PARD3B: variants seen among roughly 807,000 people sequenced by gnomAD.
The protein encoded by PARD3B is partitioning defective 3 homolog B.
A neutral mutation model predicts 130.2 loss-of-function variants in PARD3B; 103 were observed. The observed-to-expected ratio is 0.79, with a 90% CI of 0.67 to 0.93. The LOEUF (loss-of-function observed/expected upper bound fraction) is 0.93, where lower values mean the gene tolerates loss of function less well. PARD3B is among the 40% of genes least tolerant of loss of function. PARD3B has a pLI of 0.00. For missense variants in PARD3B, 1,609 were observed against 1,499.2 expected, an observed-to-expected ratio of 1.07 and a Z score of -1.21; for synonymous variants, 583 against 553.2, an observed-to-expected ratio of 1.05 and a Z score of -0.76.
intron 2 of PARD3B, among the ~76,000 whole-genome samples, chr2:204,780,349 G>A (rs897769672): frequency 6.6e-6 from 1 of 152,044 alleles, no homozygotes; most frequent in Non-Finnish European, 1.5e-5. Context: ...TAAAATTATA[G>A]AATTTGGTTT....
chr2:204,842,242 T>C (rs888359037), intron 2 of PARD3B, among the ~76,000 whole-genome samples: 1 of 152,080 alleles, frequency 6.6e-6, no homozygotes, highest in African/African-American at 2.4e-5. Flanking sequence ...CTCCAGCATC[T>C]AAAATGAGGT....
chr2:204,750,711 T>A (rs1192513628), intron 2 of PARD3B, among the ~76,000 whole-genome samples: 2 of 152,166 alleles, frequency 1.3e-5, no homozygotes, highest in Admixed American at 6.6e-5. Flanking sequence ...TGGGGCTATA[T>A]TTAGTAATTT....
intron 1 of PARD3B, among the ~76,000 whole-genome samples, chr2:204,549,105 C>G (rs1182902354): frequency 6.6e-6 from 1 of 152,138 alleles, no homozygotes; most frequent in African/African-American, 2.4e-5. Context: ...GTTGGGAACC[C>G]CCTGAATCAA....
chr2:205,131,309 A>G (rs1324289181), intron 10 of PARD3B, among the ~76,000 whole-genome samples: 3 of 152,236 alleles, frequency 2.0e-5, no homozygotes, highest in African/African-American at 7.2e-5. Flanking sequence ...AATCCAAAGT[A>G]CCTTGCTATA....
intron 18 of PARD3B, among the ~76,000 whole-genome samples, chr2:205,343,893 A>T (rs143873778): frequency 2.5e-4 from 38 of 152,212 alleles, no homozygotes; most frequent in African/African-American, 8.9e-4. Context: ...ATAATACAGG[A>T]TGTTTTAATA....
chr2:205,155,905 TCTTGGGTAATGTA>T (rs1477124981), intron 10 of PARD3B, among the ~76,000 whole-genome samples: 10 of 152,180 alleles, frequency 6.6e-5, no homozygotes, highest in Non-Finnish European at 1.5e-4. Flanking sequence ...TTTGTTTTTT[TCTTGGGTAATGTA>T]CCCAAAGGAC....
intron 16 of PARD3B, among the ~76,000 whole-genome samples, chr2:205,264,736 A>T (rs554844782): frequency 5.9e-5 from 9 of 151,384 alleles, no homozygotes; most frequent in African/African-American, 2.2e-4. Flanking sequence ...TAGTAAAAAT[A>T]AATTTTGAAT....
chr2:205,327,696 T>G (rs1444918854), intron 18 of PARD3B, among the ~76,000 whole-genome samples: 1 of 152,212 alleles, frequency 6.6e-6, no homozygotes, highest in Non-Finnish European at 1.5e-5. Context: ...CTGCTCATTT[T>G]CCTTTTCAAA....
chr2:205,342,088 T>G (rs2043562983), intron 18 of PARD3B, among the ~76,000 whole-genome samples: 1 of 152,120 alleles, frequency 6.6e-6, no homozygotes, highest in Non-Finnish European at 1.5e-5. Flanking sequence ...ATCCTCAGCC[T>G]CTAGCACAGT....
intron 15 of PARD3B, among the ~76,000 whole-genome samples, chr2:205,233,107 A>G (rs962385874): frequency 5.3e-5 from 8 of 152,188 alleles, no homozygotes; most frequent in African/African-American, 1.9e-4. Flanking sequence ...TGCTGAAATC[A>G]TGGTTAAAGA....
At chr2:205,200,026 AC>A (rs1457240361) in intron 15 of PARD3B, among the ~76,000 whole-genome samples, 18 of 152,284 alleles carry the variant, frequency 1.2e-4, no homozygotes, top group South Asian at 4.1e-4. Context: ...CCTTGAAATA[AC>A]TGGTGTCTCC....
chr2:204,699,675 A>G (rs2037795175), intron 2 of PARD3B, among the ~76,000 whole-genome samples: 1 of 152,150 alleles, frequency 6.6e-6, no homozygotes, highest in Admixed American at 6.5e-5. Flanking sequence ...ACAAAGAATA[A>G]TGTGATAGAC....
intron 1 of PARD3B, among the ~76,000 whole-genome samples, chr2:204,649,709 C>T (rs1316218749): frequency 6.6e-6 from 1 of 152,100 alleles, no homozygotes; most frequent in Admixed American, 6.6e-5. Flanking sequence ...ACTGGCTAGC[C>T]ATATGCAGAA....
At chr2:204,916,287 T>C (rs2047440746) in intron 2 of PARD3B, among the ~76,000 whole-genome samples, 2 of 152,246 alleles carry the variant, frequency 1.3e-5, no homozygotes. Flanking sequence ...TGGGCCACTT[T>C]TGTTAAAAAT....
chr2:204,612,179 A>G (rs2033952857), intron 1 of PARD3B, among the ~76,000 whole-genome samples: 1 of 152,260 alleles, frequency 6.6e-6, no homozygotes, highest in Non-Finnish European at 1.5e-5. Flanking sequence ...TGTTGTAGAC[A>G]CTGGGATGTC....
chr2:205,520,861 TTAAG>T (rs1366369876), intron 21 of PARD3B, among the ~76,000 whole-genome samples: 2 of 152,078 alleles, frequency 1.3e-5, no homozygotes, highest in African/African-American at 2.4e-5. Context: ...AGAAAGGATA[TTAAG>T]TAATTGGTTA....
intron 10 of PARD3B, among the ~76,000 whole-genome samples, chr2:205,141,516 T>C (rs2032950253): frequency 1.3e-5 from 2 of 152,306 alleles, no homozygotes; most frequent in South Asian, 4.1e-4. Flanking sequence ...TAGAAGTGAA[T>C]GACAGATTTA....
intron 19 of PARD3B, among the ~76,000 whole-genome samples, chr2:205,420,815 A>T (rs1407193061): frequency 2.0e-5 from 3 of 152,202 alleles, no homozygotes; most frequent in Non-Finnish European, 4.4e-5. Flanking sequence ...GAGAATGAAT[A>T]GATTGCTGCT....
intron 21 of PARD3B, among the ~76,000 whole-genome samples, chr2:205,538,947 G>T (rs546611127): frequency 6.6e-6 from 1 of 152,206 alleles, no homozygotes; most frequent in African/African-American, 2.4e-5. Context: ...ATCTGAGTGG[G>T]TATTACTAAT....
Sources: allele counts gnomAD v4.1 joint callset (sites outside exome capture counted in the v4.1 genomes callset), GRCh38; gene constraint gnomAD v4.1.1; transcripts MANE v1.5; gene names NCBI Gene and HGNC (gene_info 2026-07-23, HGNC 2026-07-21).